CCL28: variants seen among roughly 807,000 people sequenced by gnomAD.
CCL28 encodes the protein C-C motif chemokine ligand 28.
In CCL28, 4 loss-of-function variants were observed where a neutral mutation model predicts 7.1. The observed-to-expected ratio is 0.56, with a 90% confidence interval of 0.28 to 1.29. The LOEUF is 1.29. Among genes scored for constraint, CCL28 ranks in the 50% most tolerant of loss-of-function variants. The pLI is 0.11. For missense variants in CCL28, 151 were observed against 163.4 expected, an observed-to-expected ratio of 0.92 and a Z score of 0.41; for synonymous variants, 55 against 57.8, an observed-to-expected ratio of 0.95 and a Z score of 0.22.
chr5:43,359,493 G>A, the CCL28 span, among the ~76,000 whole-genome samples: 1 of 152,202 alleles, frequency 6.6e-6, no homozygotes, highest in African/African-American at 2.4e-5. Flanking sequence ...GGGTCGGGCA[G>A]GTGTTCCTTG....
the CCL28 span, among the ~76,000 whole-genome samples, chr5:43,361,861 T>TC: frequency 3.3e-5 from 5 of 152,252 alleles, no homozygotes; most frequent in African/African-American, 1.2e-4. Flanking sequence ...GTGTCTTTTT[T>TC]TTTTTTGTAC....
chr5:43,390,190 C>T (rs1028556535), intron 1 of CCL28, among the ~76,000 whole-genome samples: 6 of 152,042 alleles, frequency 3.9e-5, no homozygotes, highest in Middle Eastern at 3.2e-3. Context: ...GATAAGAGGT[C>T]GGGGAGGCCA....
downstream of CCL28, among the ~76,000 whole-genome samples, chr5:43,378,729 G>A (rs752572410): frequency 7.4e-4 from 113 of 152,230 alleles, no homozygotes; most frequent in Admixed American, 1.1e-3. Flanking sequence ...TTGGGAGGCC[G>A]AGGTGGGTGG....
rs1291012347 is a variant in CCL28, at chr5:43,381,691, A to G, written c.*169T>C. 1.7e-6 allele frequency: 1 copy of G among 590,062 alleles called. No individual in the cohort carries two copies. Among genetic ancestry groups the G allele is most frequent in the African/African-American group, 1.9e-5 (1 of 53,130 alleles). 36.6% of individuals were successfully genotyped at this position (590,062 alleles called of 1,614,324 possible). ...ATCTTTTCATTTCATTTTCCAGTTG[A>G]GTATATTATTGGCTACATTTGCATA... On this transcript the variant is annotated 3_prime_UTR_variant, in exon 3 of 3. Transcript: ENST00000361115.
At chr5:43,365,462 C>T in the CCL28 span, among the ~76,000 whole-genome samples, 8 of 152,100 alleles carry the variant, frequency 5.3e-5, no homozygotes, top group African/African-American at 9.7e-5. Flanking sequence ...TTCATAATGT[C>T]GATGGTCTTT....
the CCL28 span, among the ~76,000 whole-genome samples, chr5:43,359,848 A>G: frequency 2.0e-5 from 3 of 151,840 alleles, no homozygotes; most frequent in Non-Finnish European, 4.4e-5. Flanking sequence ...GTGACTCATG[A>G]CTCAAAATCA....
rs1164663325 is a variant in CCL28 at position 43,381,396 on chromosome 5, T to C, written c.*464A>G. Reference sequence around the variant, plus strand: ...ACACTATCATTATTATTATTATTTTTAGAGACAGGGTCTCATTCTGTCACC... The same window carrying C: ...ACACTATCATTATTATTATTATTTTCAGAGACAGGGTCTCATTCTGTCACC... On this transcript the variant is annotated 3_prime_UTR_variant, in exon 3 of 3. Coordinates refer to ENST00000361115, the MANE Select transcript of CCL28 (RefSeq NM_148672.3). 6.6e-6 allele frequency: 1 copy of C among 152,590 alleles called. No individual in the cohort carries two copies. The highest frequency in any genetic ancestry group is 6.5e-5 in the Admixed American group (1 of 15,296). 9.5% of individuals were successfully genotyped at this position (152,590 alleles called of 1,614,324 possible). A position where few individuals can be genotyped will look rare whatever the true frequency, so the allele number is the denominator to read the frequency against.
Position 43,380,977 on chromosome 5 carries a change from T to A in CCL28, c.*883A>T, listed in dbSNP as rs1217960677. Reference sequence around the variant, plus strand: ...CTCTAAATAGTTGGGAAAATTTGAATATGGAATATATTAGATGAAATTATT... The same window carrying A: ...CTCTAAATAGTTGGGAAAATTTGAAAATGGAATATATTAGATGAAATTATT... On this transcript the variant is annotated 3_prime_UTR_variant, in exon 3 of 3. Coordinates refer to ENST00000361115, the MANE Select transcript of CCL28 (RefSeq NM_148672.3). The A allele has an allele frequency of 6.6e-6, 1 of 152,070 alleles. No homozygotes were observed. The highest frequency in any genetic ancestry group is 2.4e-5 in the African/African-American group (1 of 41,422). 9.4% of individuals were successfully genotyped at this position (152,070 alleles called of 1,614,324 possible). A position where few individuals can be genotyped will look rare whatever the true frequency, so the allele number is the denominator to read the frequency against.
At chr5:43,367,702 A>G in the CCL28 span, among the ~76,000 whole-genome samples, 6 of 151,954 alleles carry the variant, frequency 3.9e-5, no homozygotes, top group African/African-American at 1.5e-4. Flanking sequence ...TGCACCCACT[A>G]TCTAACCAAT....
chr5:43,383,000 G>C (rs1740184356), intron 2 of CCL28, among the ~76,000 whole-genome samples: 1 of 151,958 alleles, frequency 6.6e-6, no homozygotes, highest in Non-Finnish European at 1.5e-5. Flanking sequence ...TGTATTATTA[G>C]TAGAGATGGG....
downstream of CCL28, among the ~76,000 whole-genome samples, chr5:43,375,728 A>G (rs1269452553): frequency 6.6e-6 from 1 of 152,196 alleles, no homozygotes; most frequent in African/African-American, 2.4e-5. Context: ...ATGGTGGCTC[A>G]TGCCTGTAAT....
At chr5:43,388,940 A>G (rs1222570732) in intron 1 of CCL28, among the ~76,000 whole-genome samples, 1 of 152,214 alleles carries the variant, frequency 6.6e-6, no homozygotes, top group African/African-American at 2.4e-5. Context: ...AGGCCATAAT[A>G]ATCCCAACAC....
the CCL28 span, among the ~76,000 whole-genome samples, chr5:43,362,025 C>T: frequency 1.3e-5 from 2 of 151,868 alleles, no homozygotes; most frequent in Non-Finnish European, 2.9e-5. Context: ...TTTTTTAGTT[C>T]TGTGAAGAAT....
chr5:43,361,267 G>A, the CCL28 span, among the ~76,000 whole-genome samples: 1 of 151,990 alleles, frequency 6.6e-6, no homozygotes, highest in Admixed American at 6.6e-5. Flanking sequence ...TTGTGAACAG[G>A]GCTACAATGA....
At chr5:43,407,075 T>C (rs1741312889) in intron 1 of CCL28, among the ~76,000 whole-genome samples, 1 of 152,196 alleles carries the variant, frequency 6.6e-6, no homozygotes, top group Admixed American at 6.5e-5. Flanking sequence ...CCCAAGGTAA[T>C]TTATAGATTC....
chr5:43,357,276 C>T, the CCL28 span, among the ~76,000 whole-genome samples: 3 of 152,234 alleles, frequency 2.0e-5, no homozygotes, highest in East Asian at 1.9e-4. Flanking sequence ...AAAGTCAAGG[C>T]GAGAAGAAAT....
At chr5:43,366,156 C>T in the CCL28 span, among the ~76,000 whole-genome samples, 10 of 152,194 alleles carry the variant, frequency 6.6e-5, no homozygotes, top group Admixed American at 5.2e-4. Flanking sequence ...CTTCTGAAGT[C>T]TACTTCTGTC....
At chr5:43,388,507 T>A (rs780030191) in intron 1 of CCL28, 31 bp from the exon 2 acceptor site, 4 of 1,607,356 alleles carry the variant, frequency 2.5e-6, no homozygotes, top group Non-Finnish European at 2.5e-6. Flanking sequence ...AAATGTTAAA[T>A]TTTACGGTTT....
intron 1 of CCL28, among the ~76,000 whole-genome samples, chr5:43,402,485 T>C (rs1157388120): frequency 6.6e-6 from 1 of 152,222 alleles, no homozygotes; most frequent in Non-Finnish European, 1.5e-5. Flanking sequence ...GATTAAAATA[T>C]GTGTTAAGAC....
Sources: gnomAD v4.1 joint callset for allele counts (sites outside exome capture counted in the v4.1 genomes callset) on GRCh38, gnomAD v4.1.1 for gene constraint, MANE v1.5 for transcripts, NCBI Gene and HGNC (gene_info 2026-07-23, HGNC 2026-07-21) for gene names.